Variants in KAZN observed in about 807,000 individuals in gnomAD.
The protein encoded by KAZN is kazrin.
Under a neutral mutation model 87.4 loss-of-function variants are expected in KAZN, and 40 were observed. The ratio of observed to expected loss-of-function variants is 0.46; its 90% CI spans 0.36 to 0.60. KAZN has a LOEUF of 0.60. Ranked by LOEUF, KAZN falls within the 20% of genes least tolerant of loss-of-function variation. KAZN has a pLI of 0.00. For synonymous variants in KAZN, 466 were observed against 458.3 expected (o/e 1.02, Z -0.22); for missense variants, 898 against 1,073.9 (o/e 0.84, Z 2.29).
At chr1:14,173,494 C>G (rs1288654184) in intron 1 of KAZN, among the ~76,000 whole-genome samples, 1 of 152,138 alleles carries the variant, frequency 6.6e-6, no homozygotes, top group Non-Finnish European at 1.5e-5. Context: ...ACAGTCCTAC[C>G]AGTCTACCAA....
chr1:14,980,968 G>A (rs912869072), intron 2 of KAZN, among the ~76,000 whole-genome samples: 6 of 152,152 alleles, frequency 3.9e-5, no homozygotes, highest in Admixed American at 6.5e-5. Context: ...ACAAGGCGGC[G>A]TAACCAGGCA....
chr1:13,893,844 T>G, intron 1 of KAZN: 1 of 1,439,896 alleles, frequency 6.9e-7, no homozygotes, highest in Non-Finnish European at 9.4e-7. Context: ...TGTGTGTGTC[T>G]GTGTGTCTGT....
At chr1:14,725,374 T>C (rs1643327241) in intron 1 of KAZN, among the ~76,000 whole-genome samples, 1 of 152,222 alleles carries the variant, frequency 6.6e-6, no homozygotes, top group South Asian at 2.1e-4. Flanking sequence ...TTACCACTGT[T>C]GTCATCTGAC....
intron 1 of KAZN, among the ~76,000 whole-genome samples, chr1:14,047,221 C>T (rs1215209889): frequency 6.6e-6 from 1 of 152,228 alleles, no homozygotes; most frequent in Non-Finnish European, 1.5e-5. Context: ...AGGGTGTCCA[C>T]ACCCCCTCTC....
At chr1:14,057,815 C>T (rs1202201740) in intron 1 of KAZN, among the ~76,000 whole-genome samples, 1 of 152,170 alleles carries the variant, frequency 6.6e-6, no homozygotes, top group African/African-American at 2.4e-5. Flanking sequence ...GGATGTTTTG[C>T]TGTTTTTATT....
At chr1:14,024,729 G>C (rs1050069545) in intron 1 of KAZN, among the ~76,000 whole-genome samples, 3 of 152,208 alleles carry the variant, frequency 2.0e-5, no homozygotes, top group Non-Finnish European at 2.9e-5. Context: ...CCAGGGGAGG[G>C]AGTGGCACAT....
intron 1 of KAZN, among the ~76,000 whole-genome samples, chr1:14,753,853 A>G (rs1020877611): frequency 2.0e-5 from 3 of 152,204 alleles, no homozygotes; most frequent in Admixed American, 6.5e-5. Flanking sequence ...GCGAAGTCCA[A>G]GATGAAGACT....
chr1:14,585,786 G>A (rs909013654), intron 2 of KAZN, among the ~76,000 whole-genome samples: 4 of 152,218 alleles, frequency 2.6e-5, no homozygotes, highest in African/African-American at 9.6e-5. Flanking sequence ...AAAGATTCCT[G>A]AGGCAGCAGA....
intron 1 of KAZN, among the ~76,000 whole-genome samples, chr1:14,083,559 A>C (rs116430980): frequency 0.018 from 2,691 of 152,348 alleles, 40 homozygotes; most frequent in Middle Eastern, 0.031. Context: ...TGGTCTATAC[A>C]TAAGAGCTGA....
chr1:14,346,507 T>C (rs1658119758), intron 2 of KAZN, among the ~76,000 whole-genome samples: 2 of 151,878 alleles, frequency 1.3e-5, no homozygotes, highest in South Asian at 4.2e-4. Flanking sequence ...AAGAAGGAGG[T>C]AGATAGAGAG....
intron 1 of KAZN, among the ~76,000 whole-genome samples, chr1:14,873,338 A>G (rs368643730): frequency 1.3e-5 from 2 of 152,250 alleles, no homozygotes; most frequent in Admixed American, 1.3e-4. Flanking sequence ...AACAAATAGC[A>G]TAAAGAATTT....
rs374355929 is a variant in KAZN at position 13,895,167 on chromosome 1, A to G, written c.91+1411A>G. On this transcript the variant is annotated intron_variant, in intron 1 of 16. Coordinates refer to the KAZN transcript ENST00000636203. ...GCCTTTGGTAGTAGACAATGGAAGC[A>G]TTGAACACACACCCTTTGCCACCCA... Among the ~76,000 whole-genome samples the G allele has an allele frequency of 5.3e-5, 8 of 152,314 alleles. No individual in the cohort carries two copies. The East Asian group carries it at 7.7e-4, about 15-fold the overall frequency.
chr1:13,999,782 T>A (rs1326733719), intron 1 of KAZN, among the ~76,000 whole-genome samples: 1 of 151,064 alleles, frequency 6.6e-6, no homozygotes, highest in Non-Finnish European at 1.5e-5. Context: ...TTTGAAAAAA[T>A]TAACAAAATA....
In KAZN at chr1:14,599,887, A is replaced by G. The variant is rs1676819481; in HGVS notation, c.226+664A>G. Among the ~76,000 whole-genome samples, 1 of 151,990 alleles carries G rather than the reference A, an allele frequency of 6.6e-6. No individual in the cohort carries two copies. Among genetic ancestry groups the G allele is most frequent in the Non-Finnish European group, 1.5e-5 (1 of 68,004 alleles). On this transcript the variant is annotated intron_variant, in intron 1 of 14. Transcript: ENST00000376030. The surrounding 1 kb of genome is among the most constrained non-coding windows in gnomAD (Gnocchi z 4.4). ...ACCTCAAAGGTTGAGCGGTAGAGAA[A>G]TGAAGGCTTAGGGTGGTGGGCTGCA...
chr1:14,440,025 T>G (rs1287425784), intron 2 of KAZN, among the ~76,000 whole-genome samples: 1 of 152,062 alleles, frequency 6.6e-6, no homozygotes, highest in African/African-American at 2.4e-5. Flanking sequence ...TCACTGCACC[T>G]CTCCCCCTCT....
chr1:14,863,434 C>G lies in KAZN; in HGVS notation c.227-97250C>G, dbSNP rs765962323. ...ACCTCTAACCTCACCTGGAATGTTT[C>G]AAAGACAGCTTTGAGCAGAAGTGGA... On this transcript the variant is annotated intron_variant, in intron 1 of 14. Coordinates refer to ENST00000376030, the MANE Select transcript of KAZN (RefSeq NM_201628.3). 8.2e-4 allele frequency among the ~76,000 whole-genome samples: 125 copies of G among 152,188 alleles called. 2 individuals carry two copies. Among genetic ancestry groups the G allele is most frequent in the Non-Finnish European group, 2.4e-4 (16 of 68,024 alleles).
chr1:14,936,883 A>C (rs1660520665), intron 1 of KAZN, among the ~76,000 whole-genome samples: 1 of 152,178 alleles, frequency 6.6e-6, no homozygotes, highest in Non-Finnish European at 1.5e-5. Context: ...GAGGCTCCAT[A>C]AACGTGACAG....
intron 1 of KAZN, among the ~76,000 whole-genome samples, chr1:14,716,408 G>A (rs1214114182): frequency 6.6e-6 from 1 of 152,186 alleles, no homozygotes; most frequent in African/African-American, 2.4e-5. Context: ...TTGAGGGCAT[G>A]CAGTCAGTTG....
At chr1:14,977,657 G>A (rs1665785768) in intron 2 of KAZN, among the ~76,000 whole-genome samples, 1 of 152,214 alleles carries the variant, frequency 6.6e-6, no homozygotes. Flanking sequence ...CCTGTAGTTC[G>A]GGTGACTGCA....
Sources: gnomAD v4.1 joint callset for allele counts (sites outside exome capture counted in the v4.1 genomes callset) on GRCh38, gnomAD v4.1.1 for gene constraint, Gnocchi (gnomAD v3.1) non-coding constraint, MANE v1.5 for transcripts, NCBI Gene and HGNC (gene_info 2026-07-23, HGNC 2026-07-21) for gene names.